Variants in NKAIN2 observed in about 807,000 individuals in gnomAD.
The protein encoded by NKAIN2 is sodium/potassium transporting ATPase interacting 2.
NKAIN2 carries 14 observed loss-of-function variants against 32.6 expected under a neutral mutation model. The ratio of observed to expected loss-of-function variants is 0.43; its 90% CI spans 0.28 to 0.67. The LOEUF (loss-of-function observed/expected upper bound fraction) is 0.67. NKAIN2 is among the 30% of genes least tolerant of loss of function. The pLI is 0.17. For missense variants in NKAIN2, 198 were observed against 258.3 expected (o/e 0.77, Z 1.60); for synonymous variants, 80 against 87.2 (o/e 0.92, Z 0.46).
intron 3 of NKAIN2, among the ~76,000 whole-genome samples, chr6:124,638,179 A>G (rs1783843748): frequency 6.6e-6 from 1 of 152,204 alleles, no homozygotes; most frequent in Non-Finnish European, 1.5e-5. Flanking sequence ...CGGCTCTTCA[A>G]TACATAGTGC....
intron 4 of NKAIN2, among the ~76,000 whole-genome samples, chr6:124,692,741 G>T (rs1774316978): frequency 1.3e-5 from 2 of 151,264 alleles, no homozygotes; most frequent in Non-Finnish European, 3.0e-5. Flanking sequence ...ACTTGAACCT[G>T]GGAGGCGGAG....
intron 3 of NKAIN2, among the ~76,000 whole-genome samples, chr6:124,412,147 T>C (rs1774220686): frequency 2.0e-5 from 3 of 151,942 alleles, no homozygotes; most frequent in African/African-American, 7.2e-5. Context: ...TAGCTCGGAG[T>C]AGTTCGATCT....
intron 1 of NKAIN2, among the ~76,000 whole-genome samples, chr6:124,014,095 C>A (rs557558443): frequency 6.6e-6 from 1 of 152,168 alleles, no homozygotes. Flanking sequence ...TACGTATCCC[C>A]CTTTAAATTC....
At chr6:124,667,386 T>C (rs1403170090) in intron 4 of NKAIN2, among the ~76,000 whole-genome samples, 1 of 152,160 alleles carries the variant, frequency 6.6e-6, no homozygotes, top group East Asian at 1.9e-4. Flanking sequence ...ATTTTTATAT[T>C]TGATTTTATA....
At chr6:123,887,486 A>G (rs778130732) in intron 1 of NKAIN2, among the ~76,000 whole-genome samples, 1 of 152,170 alleles carries the variant, frequency 6.6e-6, no homozygotes, top group Non-Finnish European at 1.5e-5. Flanking sequence ...AAGCTGTATC[A>G]ATTAAAGGGT....
intron 3 of NKAIN2, among the ~76,000 whole-genome samples, chr6:124,397,749 G>A (rs145346446): frequency 0.011 from 1,710 of 152,164 alleles, 16 homozygotes; most frequent in Middle Eastern, 0.02. Flanking sequence ...TATTATCTCC[G>A]TTTCAAACCA....
At chr6:124,350,213 T>C (rs1022843102) in intron 2 of NKAIN2, among the ~76,000 whole-genome samples, 3 of 152,216 alleles carry the variant, frequency 2.0e-5, no homozygotes, top group African/African-American at 2.4e-5. Flanking sequence ...CATCAACTAG[T>C]TGTAGCAACA....
intron 4 of NKAIN2, among the ~76,000 whole-genome samples, chr6:124,692,114 A>G (rs1300990773): frequency 3.9e-5 from 6 of 152,222 alleles, no homozygotes; most frequent in Admixed American, 2.6e-4. Context: ...ACATGTATTA[A>G]TATGTTTTAC....
intron 1 of NKAIN2, among the ~76,000 whole-genome samples, chr6:123,930,614 A>G (rs1776210973): frequency 6.6e-6 from 1 of 152,188 alleles, no homozygotes; most frequent in African/African-American, 2.4e-5. Context: ...TACAAGTTAT[A>G]TATTAGATAC....
chr6:124,696,077 GTCTC>G (rs1223658343), intron 4 of NKAIN2, among the ~76,000 whole-genome samples: 2 of 152,108 alleles, frequency 1.3e-5, no homozygotes, highest in Admixed American at 1.3e-4. Context: ...ATTCTTCTTG[GTCTC>G]TCTGTGTAGC....
intron 3 of NKAIN2, among the ~76,000 whole-genome samples, chr6:124,621,398 A>G (rs1049409432): frequency 6.6e-6 from 1 of 152,212 alleles, no homozygotes; most frequent in Non-Finnish European, 1.5e-5. Flanking sequence ...GGGATACAGC[A>G]CAGCTGAATT....
intron 3 of NKAIN2, among the ~76,000 whole-genome samples, chr6:124,492,285 A>G (rs944868070): frequency 2.6e-5 from 4 of 152,048 alleles, no homozygotes; most frequent in Non-Finnish European, 5.9e-5. Flanking sequence ...TACTTGGCAT[A>G]TGCCTATTGA....
At chr6:124,585,078 A>G (rs1034498223) in intron 3 of NKAIN2, among the ~76,000 whole-genome samples, 3 of 152,234 alleles carry the variant, frequency 2.0e-5, no homozygotes, top group African/African-American at 7.2e-5. Context: ...CAGCAGACAA[A>G]TGGGTAAAGA....
chr6:124,647,478 G>A (rs953010058), intron 3 of NKAIN2, among the ~76,000 whole-genome samples: 11 of 116,416 alleles, frequency 9.4e-5, no homozygotes, highest in East Asian at 2.5e-4. Flanking sequence ...CAGCCTGGGC[G>A]ACAGAGCGAG....
intron 2 of NKAIN2, among the ~76,000 whole-genome samples, chr6:124,288,384 C>T (rs572318914): frequency 2.2e-4 from 33 of 152,300 alleles, no homozygotes; most frequent in Non-Finnish European, 4.1e-4. Context: ...AAATTCATTA[C>T]AGCATTTGTG....
intron 2 of NKAIN2, among the ~76,000 whole-genome samples, chr6:124,314,644 T>A (rs567238829): frequency 6.6e-6 from 1 of 152,132 alleles, no homozygotes. Flanking sequence ...TATCCATACC[T>A]TATCAGCCAG....
chr6:124,762,618 T>A (rs1415349394), intron 4 of NKAIN2, among the ~76,000 whole-genome samples: 1 of 152,206 alleles, frequency 6.6e-6, no homozygotes, highest in Non-Finnish European at 1.5e-5. Flanking sequence ...TGATTGTTAT[T>A]TTGTTTTTGA....
chr6:123,967,049 G>A (rs1414625805), intron 1 of NKAIN2, among the ~76,000 whole-genome samples: 1 of 152,158 alleles, frequency 6.6e-6, no homozygotes, highest in Non-Finnish European at 1.5e-5. Context: ...TATACTTACA[G>A]TCCCCTTCAT....
intron 4 of NKAIN2, among the ~76,000 whole-genome samples, chr6:124,661,326 G>A (rs971242369): frequency 6.6e-6 from 1 of 152,128 alleles, no homozygotes; most frequent in Non-Finnish European, 1.5e-5. Context: ...AGCATATCTG[G>A]CTTAGATCTG....
Sources: allele counts gnomAD v4.1 joint callset (sites outside exome capture counted in the v4.1 genomes callset), GRCh38; gene constraint gnomAD v4.1.1; transcripts MANE v1.5; gene names NCBI Gene and HGNC (gene_info 2026-07-23, HGNC 2026-07-21).